LRCH4: variants seen among roughly 807,000 people sequenced by gnomAD.
LRCH4 encodes leucine rich repeats and calponin homology domain containing 4.
In LRCH4, 56 loss-of-function variants were observed where a neutral mutation model predicts 81.2. That is an observed-to-expected ratio of 0.69 (90% CI 0.56 to 0.86). The LOEUF is 0.86. Ranked by LOEUF, LRCH4 falls within the 40% of genes least tolerant of loss-of-function variation. The pLI, the probability that LRCH4 is intolerant of heterozygous loss-of-function variation, is 0.00. For missense variants in LRCH4, 895 were observed against 922.8 expected, an observed-to-expected ratio of 0.97 and a Z score of 0.39; for synonymous variants, 442 against 409.7, an observed-to-expected ratio of 1.08 and a Z score of -0.95.
In LRCH4 at chr7:100,583,802, C is replaced by T. The variant is rs528064508; in HGVS notation, c.221-1343G>A. 1.7e-3 allele frequency among the ~76,000 whole-genome samples: 264 copies of T among 152,278 alleles called. 2 individuals carry two copies. Among genetic ancestry groups the T allele is most frequent in the African/African-American group, 6.1e-3 (252 of 41,544 alleles). On this transcript the variant is annotated intron_variant, in intron 1 of 17. Transcript: ENST00000310300. The surrounding 1 kb of genome is among the most constrained non-coding windows in gnomAD (Gnocchi z 4.3). ...TCCCAGCCTCGCCTCCACCTGCCCG[C>T]TTTCTCTGCAAATGTGTTTGTGTGT...
intron 1 of LRCH4, chr7:100,585,090 G>A (rs1801684545): frequency 4.2e-6 from 1 of 238,006 alleles, no homozygotes; most frequent in Non-Finnish European, 8.6e-6. Context: ...GTCTCTAGCT[G>A]GCCAGCACTC....
chr7:100,581,447 G>T (rs1208662216), intron 4 of LRCH4, among the ~76,000 whole-genome samples: 1 of 152,192 alleles, frequency 6.6e-6, no homozygotes, highest in Admixed American at 6.5e-5. Flanking sequence ...GGATTAGGAA[G>T]CGAGGCCTTA....
chr7:100,582,514 C>T lies in LRCH4; in HGVS notation c.221-55G>A. 1 of 1,561,120 alleles carries T rather than the reference C, an allele frequency of 6.4e-7. No homozygotes were observed. The highest frequency in any genetic ancestry group is 8.6e-7 in the Non-Finnish European group (1 of 1,157,470). ...GCGGAAAGGCCCAGCCCGGACAGGA[C>T]CTTCAGTCCCCCCAGAGCCGGCTGC... On this transcript the variant is annotated intron_variant, in intron 1 of 17. Coordinates refer to ENST00000310300, the MANE Select transcript of LRCH4 (RefSeq NM_002319.5). This position sits in a 1 kb window ranked among gnomAD's most constrained non-coding sequence, Gnocchi z 5.0.
rs775909375 is a variant in LRCH4 at position 100,575,866 on chromosome 7, C to A, written c.1776+5G>T. The stretch of plus-strand genomic sequence containing the variant: ...TCCCCCACCTCTTCCCCAGCCCCAA[C>A]TGACCACAGCAGGGGAGGGCACATG... On this transcript the variant is annotated splice_donor_5th_base_variant and intron_variant, in intron 16 of 17. Transcript: ENST00000310300. This position sits in a 1 kb window ranked among gnomAD's most constrained non-coding sequence, Gnocchi z 5.3. 1.2e-6 allele frequency: 2 copies of A among 1,613,194 alleles called. No individual in the cohort carries two copies. Among genetic ancestry groups the A allele is most frequent in the Non-Finnish European group, 1.7e-6 (2 of 1,179,438 alleles).
chr7:100,585,732 A>G (rs1330836510), intron 1 of LRCH4, 149 bp downstream of exon 1: 4 of 740,660 alleles, frequency 5.4e-6, no homozygotes, highest in Non-Finnish European at 8.3e-6. Context: ...AAGATGGGAG[A>G]GGATGGCTGC....
intron 1 of LRCH4, chr7:100,585,081 T>G (rs983464717): frequency 3.2e-5 from 8 of 247,282 alleles, no homozygotes; most frequent in Non-Finnish European, 5.8e-5. Context: ...GGAAGGACAG[T>G]CTCTAGCTGG....
At position 100,582,204 on chromosome 7, in the gene LRCH4, G is replaced by T. The variant is rs1242946645; in HGVS notation, c.366-37C>A. 1 of 1,613,448 alleles carries T rather than the reference G, an allele frequency of 6.2e-7. No homozygotes were observed. Among genetic ancestry groups the T allele is most frequent in the Non-Finnish European group, 8.5e-7 (1 of 1,179,904 alleles). On this transcript the variant is annotated intron_variant, in intron 2 of 17. Transcript: ENST00000310300. This position sits in a 1 kb window ranked among gnomAD's most constrained non-coding sequence, Gnocchi z 5.0. The stretch of plus-strand genomic sequence containing the variant: ...AGAAAGGCAGCGGACTGGCTCCCCA[G>T]GCATGGCATCCCAGCACTGCCATCC...
intron 1 of LRCH4, chr7:100,585,096 C>A (rs1801684795): frequency 4.2e-6 from 1 of 236,250 alleles, no homozygotes; most frequent in South Asian, 4.1e-5. Flanking sequence ...AGCTGGCCAG[C>A]ACTCCCAGCT....
At chr7:100,580,373 A>G (rs1322106378) in intron 4 of LRCH4, 1 of 150,030 alleles carries the variant, frequency 6.7e-6, no homozygotes, top group Non-Finnish European at 1.5e-5. Flanking sequence ...ACCCGCATCT[A>G]CCTGATCCCA....
Position 100,575,548 on chromosome 7 carries a change from A to AG in LRCH4, c.1854+156dup. 1.0e-6 allele frequency: 1 copy of AG among 953,212 alleles called. No homozygotes were observed. Among genetic ancestry groups the AG allele is most frequent in the Non-Finnish European group, 1.7e-6 (1 of 586,636 alleles). 59.0% of individuals were successfully genotyped at this position (953,212 alleles called of 1,614,324 possible). A position where few individuals can be genotyped will look rare whatever the true frequency, so the allele number is the denominator to read the frequency against. ...GTGTAGGACAGGTGACATGCAGGGCAGGGGGCATGCAGGGCAGGGGGCATG... is the reference window on the plus strand; with the variant it reads ...GTGTAGGACAGGTGACATGCAGGGCAGGGGGGCATGCAGGGCAGGGGGCATG... On this transcript the variant is annotated intron_variant, in intron 17 of 17. Coordinates refer to ENST00000310300, the MANE Select transcript of LRCH4 (RefSeq NM_002319.5). The surrounding 1 kb of genome is among the most constrained non-coding windows in gnomAD (Gnocchi z 5.3).
At position 100,578,292 on chromosome 7, in the gene LRCH4, T is replaced by C. The variant is rs749866736; in HGVS notation, c.849-34A>G. The C allele has an allele frequency of 3.7e-6, 6 of 1,605,832 alleles. No individual in the cohort carries two copies. The South Asian group carries it at 6.6e-5, about 18-fold the overall frequency. ...AGCCAGGCGGATCTGGTCAGCCTGATGCTGGACAACAGCCCCCCATCCTCC... is the reference window on the plus strand; with the variant it reads ...AGCCAGGCGGATCTGGTCAGCCTGACGCTGGACAACAGCCCCCCATCCTCC... On this transcript the variant is annotated intron_variant, in intron 6 of 17. Coordinates refer to ENST00000310300, the MANE Select transcript of LRCH4 (RefSeq NM_002319.5). The surrounding 1 kb of genome is among the most constrained non-coding windows in gnomAD (Gnocchi z 5.7).
intron 1 of LRCH4, among the ~76,000 whole-genome samples, chr7:100,585,529 G>A (rs1288440107): frequency 6.6e-6 from 1 of 151,990 alleles, no homozygotes; most frequent in Non-Finnish European, 1.5e-5. Context: ...AGGAGCTCGT[G>A]GGGACTGCTT....
In LRCH4 at chr7:100,583,055, A is replaced by G. The variant is rs1801611898; in HGVS notation, c.221-596T>C. Among the ~76,000 whole-genome samples, 2 of 152,220 alleles carry G rather than the reference A, an allele frequency of 1.3e-5. No homozygotes were observed. The highest frequency in any genetic ancestry group is 4.8e-5 in the African/African-American group (2 of 41,462). ...CCAAGGACCAGCAAGCCAGGTCCAAAGAATCATAAAGTTACTGATTCCCAA... is the reference window on the plus strand; with the variant it reads ...CCAAGGACCAGCAAGCCAGGTCCAAGGAATCATAAAGTTACTGATTCCCAA... On this transcript the variant is annotated intron_variant, in intron 1 of 17. Transcript: ENST00000310300. This position sits in a 1 kb window ranked among gnomAD's most constrained non-coding sequence, Gnocchi z 4.3.
At chr7:100,584,727 C>G (rs559839801) in intron 1 of LRCH4, 2 of 456,674 alleles carry the variant, frequency 4.4e-6, no homozygotes, top group Non-Finnish European at 8.8e-6. Context: ...GAGGTTTCGA[C>G]TGGTTCTCCC....
rs1584410278 is a variant in LRCH4 at position 100,582,592 on chromosome 7, A to G, written c.221-133T>C. The G allele has an allele frequency of 1.1e-6, 1 of 898,044 alleles. No homozygotes were observed. The highest frequency in any genetic ancestry group is 1.6e-5 in the South Asian group (1 of 60,966). The allele number at this position is 898,044 out of a possible 1,614,324, so 55.6% of individuals were successfully genotyped here. On this transcript the variant is annotated intron_variant, in intron 1 of 17. Coordinates refer to ENST00000310300, the MANE Select transcript of LRCH4 (RefSeq NM_002319.5). The surrounding 1 kb of genome is among the most constrained non-coding windows in gnomAD (Gnocchi z 5.0). ...TTCAAGGCCATCAATGTGGCCTCCCAGGAGAGATAACAAAGCCTTCTGCCA... is the reference window on the plus strand; with the variant it reads ...TTCAAGGCCATCAATGTGGCCTCCCGGGAGAGATAACAAAGCCTTCTGCCA...
chr7:100,580,929 C>T (rs73156208), intron 4 of LRCH4: 9,789 of 152,422 alleles, frequency 0.064, 324 homozygotes, highest in Middle Eastern at 0.082. Flanking sequence ...CACACACAGA[C>T]ACACACACAT....
rs188339676 is a variant in LRCH4 at position 100,585,275 on chromosome 7, T to C, written c.220+606A>G. The C allele has an allele frequency of 4.3e-5, 7 of 162,802 alleles. No individual in the cohort carries two copies. In the East Asian group the frequency reaches 9.4e-4, roughly 22 times the overall value. The allele number at this position is 162,802 out of a possible 1,614,324, so 10.1% of individuals were successfully genotyped here. ...TCTCAGATAAGCCGGTTGGGGATAATAGGCGGAAGAGCTCAGGGAGAAAAG... is the reference window on the plus strand; with the variant it reads ...TCTCAGATAAGCCGGTTGGGGATAACAGGCGGAAGAGCTCAGGGAGAAAAG... On this transcript the variant is annotated intron_variant, in intron 1 of 17. Coordinates refer to ENST00000310300, the MANE Select transcript of LRCH4 (RefSeq NM_002319.5).
At position 100,575,496 on chromosome 7, in the gene LRCH4, C is replaced by G; in HGVS notation, c.1855-192G>C. On this transcript the variant is annotated intron_variant, in intron 17 of 17. Transcript: ENST00000310300. This position sits in a 1 kb window ranked among gnomAD's most constrained non-coding sequence, Gnocchi z 5.3. ...TGTGCAGGACAGGTGACATGCAGGA[C>G]AAGATGGGGCCTGCAGGGCAGGGGA... is the stretch of plus-strand genomic sequence containing the variant. 2 of 829,448 alleles carry G rather than the reference C, an allele frequency of 2.4e-6. No homozygotes were observed. The highest frequency in any genetic ancestry group is 2.6e-5 in the East Asian group (1 of 39,018). 51.4% of individuals were successfully genotyped at this position (829,448 alleles called of 1,614,324 possible).
In LRCH4 at chr7:100,574,220, GC is replaced by G; in HGVS notation, c.*886del. The stretch of plus-strand genomic sequence containing the variant: ...GCGTCTTCTGCTCCCGGGGTCCCGG[GC>G]GGGGTGGGCCCTGTGCCCCCACCTT... On this transcript the variant is annotated 3_prime_UTR_variant, in exon 18 of 18. Transcript: ENST00000310300. 1 of 176,976 alleles carries G rather than the reference GC, an allele frequency of 5.7e-6. No individual in the cohort carries two copies. Among genetic ancestry groups the G allele is most frequent in the Non-Finnish European group, 1.3e-5 (1 of 79,462 alleles). The allele number at this position is 176,976 out of a possible 1,614,324, so 11.0% of individuals were successfully genotyped here.
Sources: gnomAD v4.1 joint callset for allele counts (sites outside exome capture counted in the v4.1 genomes callset) on GRCh38, gnomAD v4.1.1 for gene constraint, Gnocchi (gnomAD v3.1) non-coding constraint, MANE v1.5 for transcripts, NCBI Gene and HGNC (gene_info 2026-07-23, HGNC 2026-07-21) for gene names.